GALK2: variants seen among roughly 807,000 people sequenced by gnomAD.
GALK2 encodes the protein N-acetylgalactosamine kinase.
GALK2 carries 36 observed loss-of-function variants against 52.4 expected under a neutral mutation model. The observed-to-expected ratio is 0.69, with a 90% CI of 0.53 to 0.91. The LOEUF is 0.91. Ranked by LOEUF, GALK2 falls within the 40% of genes least tolerant of loss-of-function variation. The pLI is 0.00. For missense variants in GALK2, 579 were observed against 559.1 expected, an observed-to-expected ratio of 1.04 and a Z score of -0.36; for synonymous variants, 176 against 199.1, an observed-to-expected ratio of 0.88 and a Z score of 0.98.
intron 5 of GALK2, among the ~76,000 whole-genome samples, chr15:49,266,558 T>A (rs986225564): frequency 6.6e-6 from 1 of 152,210 alleles, no homozygotes; most frequent in Middle Eastern, 3.2e-3. Context: ...TTCTCTGGTC[T>A]CCATTTTAGA....
At chr15:49,225,168 G>C (rs1010006960) in intron 3 of GALK2, 1 of 455,358 alleles carries the variant, frequency 2.2e-6, no homozygotes, top group Non-Finnish European at 4.4e-6. Flanking sequence ...AGCCGCCTCT[G>C]ATCACTGGCA....
intron 7 of GALK2, among the ~76,000 whole-genome samples, chr15:49,284,401 A>G (rs1052413977): frequency 2.0e-5 from 3 of 152,184 alleles, no homozygotes; most frequent in Non-Finnish European, 4.4e-5. Flanking sequence ...TTAATATGTG[A>G]TCAGATAGTA....
intron 3 of GALK2, among the ~76,000 whole-genome samples, chr15:49,233,062 A>T (rs572813123): frequency 6.6e-6 from 1 of 152,170 alleles, no homozygotes; most frequent in Non-Finnish European, 1.5e-5. Flanking sequence ...CCAATTTTCC[A>T]TATTAGTTCA....
At chr15:49,312,245 G>C (rs562629839) in intron 8 of GALK2, among the ~76,000 whole-genome samples, 9 of 152,330 alleles carry the variant, frequency 5.9e-5, no homozygotes, top group African/African-American at 1.9e-4. Context: ...GGCGTAAACA[G>C]CTTATCTTAT....
At chr15:49,270,961 T>A (rs571688384) in intron 5 of GALK2, among the ~76,000 whole-genome samples, 1 of 152,272 alleles carries the variant, frequency 6.6e-6, no homozygotes, top group South Asian at 2.1e-4. Flanking sequence ...ACAGGACTGT[T>A]CTGCTCAAAA....
chr15:49,159,723 T>C (rs1453516638), intron 1 of GALK2, among the ~76,000 whole-genome samples: 1 of 152,230 alleles, frequency 6.6e-6, no homozygotes, highest in Non-Finnish European at 1.5e-5. Context: ...TTCTCACCTA[T>C]ACATACAAAT....
intron 1 of GALK2, 142 bp downstream of exon 1, chr15:49,170,517 G>C: frequency 1.3e-6 from 1 of 744,050 alleles, no homozygotes; most frequent in Non-Finnish European, 2.2e-6. Flanking sequence ...ATAAGGACAC[G>C]TGGCTGGGCT....
At chr15:49,187,522 C>T (rs2086444239) in intron 1 of GALK2, among the ~76,000 whole-genome samples, 1 of 152,070 alleles carries the variant, frequency 6.6e-6, no homozygotes, top group South Asian at 2.1e-4. Context: ...TGATGAGCTC[C>T]CCCTAAGCCC....
intron 2 of GALK2, among the ~76,000 whole-genome samples, chr15:49,201,964 A>G (rs1445271337): frequency 3.3e-5 from 5 of 152,150 alleles, no homozygotes; most frequent in African/African-American, 4.8e-5. Flanking sequence ...GAAGTTCAAT[A>G]TCATGGTACT....
intron 2 of GALK2, among the ~76,000 whole-genome samples, chr15:49,203,640 A>G (rs931937743): frequency 6.6e-6 from 1 of 152,180 alleles, no homozygotes; most frequent in Non-Finnish European, 1.5e-5. Flanking sequence ...GTTTTCTTCT[A>G]GTAGTTTCAT....
chr15:49,280,988 C>A (rs761325125), intron 5 of GALK2, among the ~76,000 whole-genome samples: 1 of 152,152 alleles, frequency 6.6e-6, no homozygotes, highest in Non-Finnish European at 1.5e-5. Context: ...GGGCATGCAC[C>A]ACAATGCCCA....
chr15:49,240,059 C>T (rs1004091276), intron 5 of GALK2, among the ~76,000 whole-genome samples: 3 of 152,154 alleles, frequency 2.0e-5, no homozygotes, highest in Non-Finnish European at 4.4e-5. Context: ...CAGCCACATG[C>T]TTAGTCTCTT....
chr15:49,307,012 TAACTATAA>T (rs1343867746), intron 8 of GALK2, among the ~76,000 whole-genome samples: 2 of 152,144 alleles, frequency 1.3e-5, no homozygotes, highest in Non-Finnish European at 2.9e-5. Flanking sequence ...CAGTATATGG[TAACTATAA>T]TTAGAAAGGA....
At chr15:49,344,083 T>G (rs1305737873) in intron 3 of GALK2, 1 of 152,194 alleles carries the variant, frequency 6.6e-6, no homozygotes, top group African/African-American at 2.4e-5. Context: ...GAAGCCTCAT[T>G]TTAAATAATT....
Position 49,201,226 on chromosome 15 carries a change from G to A in GALK2, c.118G>A (p.Ala40Thr), listed in dbSNP as rs755680551. 5.6e-6 allele frequency: 9 copies of A among 1,607,270 alleles called. No homozygotes were observed. The highest frequency in any genetic ancestry group is 1.7e-6 in the Non-Finnish European group (2 of 1,174,602). Residue 40 changes from alanine to threonine, a missense_variant, in exon 2 of 10, where the codon GCA (alanine) becomes ACA (threonine). Coordinates refer to ENST00000560031, the MANE Select transcript of GALK2 (RefSeq NM_002044.4). Reference sequence around the variant, plus strand: ...ATCTATTCCCAAGTTTTATGTTCGAGCACCAGGAAGAGTCAACATAATAGG... The same window carrying A: ...ATCTATTCCCAAGTTTTATGTTCGAACACCAGGAAGAGTCAACATAATAGG... ...FGSIPKFYVR[A>T]PGRVNIIGEH...
intron 9 of GALK2, 26 bp from the exon 10 acceptor site, chr15:49,327,926 T>A: frequency 6.3e-7 from 1 of 1,593,838 alleles, no homozygotes; most frequent in South Asian, 1.1e-5. Flanking sequence ...TTATAGGTTC[T>A]AATATTTTTT....
chr15:49,224,539 G>A (rs1487380054), intron 3 of GALK2, among the ~76,000 whole-genome samples: 2 of 152,104 alleles, frequency 1.3e-5, no homozygotes, highest in South Asian at 2.1e-4. Flanking sequence ...TCATTCTACT[G>A]CATACGGCTA....
intron 5 of GALK2, among the ~76,000 whole-genome samples, chr15:49,274,446 C>T (rs1464969993): frequency 6.6e-6 from 1 of 152,148 alleles, no homozygotes; most frequent in East Asian, 1.9e-4. Flanking sequence ...ATGGACCTTG[C>T]AGGACTGGCA....
At chr15:49,166,753 G>C (rs982560021), upstream of GALK2, among the ~76,000 whole-genome samples, 2 of 152,070 alleles carry the variant, frequency 1.3e-5, no homozygotes, top group African/African-American at 4.8e-5. Context: ...TCATTATAAA[G>C]AAGACATAAA....
Sources: allele counts gnomAD v4.1 joint callset (sites outside exome capture counted in the v4.1 genomes callset), GRCh38; gene constraint gnomAD v4.1.1; transcripts MANE v1.5; gene names NCBI Gene and HGNC (gene_info 2026-07-23, HGNC 2026-07-21).